The following HELZ variants were observed in gnomAD, a reference collection of about 807,000 sequenced individuals.
HELZ encodes the protein helicase with zinc finger.
Under a neutral mutation model 218.2 loss-of-function variants are expected in HELZ, and 23 were observed. The ratio of observed to expected loss-of-function variants is 0.11; its 90% CI spans 0.08 to 0.15. The LOEUF (loss-of-function observed/expected upper bound fraction) is 0.15, where lower values mean the gene tolerates loss of function less well. Ranked by LOEUF, HELZ falls within the 10% of genes least tolerant of loss-of-function variation. HELZ has a pLI of 1.00. For missense variants in HELZ, 1,813 were observed against 2,353.7 expected, an observed-to-expected ratio of 0.77 and a Z score of 4.75; for synonymous variants, 814 against 829.4, an observed-to-expected ratio of 0.98 and a Z score of 0.32.
At chr17:67,081,293 T>C (rs1366095208) in intron 32 of HELZ, among the ~76,000 whole-genome samples, 3 of 152,204 alleles carry the variant, frequency 2.0e-5, no homozygotes, top group African/African-American at 7.2e-5. Flanking sequence ...CACTGTACTT[T>C]GGGGTCTCTT....
Position 67,138,095 on chromosome 17 carries a change from C to T in HELZ, c.2789G>A (p.Arg930His), listed in dbSNP as rs1216248582. Residue 930 changes from arginine (R) to histidine (H), a missense_variant, in exon 22 of 33, where the codon CGT becomes CAT. By Grantham distance (29) the Arg-to-His change is conservative. Around this residue, in one of 4 missense-constraint regions of HELZ, gnomAD observed 156 missense variants for 274.4 expected, o/e 0.57. Transcript: ENST00000358691. ...CCACTTCCTTCTTAACTCTTCTACA[C>T]GTTCCACCACTTCAAACACCTTTAA... The part of the protein sequence containing the change: ...NNAEVFEVVE[R>H]VEELRRKWPV... The T allele has an allele frequency of 1.9e-6, 3 of 1,611,774 alleles. No homozygotes were observed. Among genetic ancestry groups the T allele is most frequent in the African/African-American group, 1.3e-5 (1 of 74,876 alleles).
Position 67,076,608 on chromosome 17 carries a change from C to T in HELZ, c.*1644G>A, listed in dbSNP as rs1308218212. 6.6e-6 allele frequency: 1 copy of T among 152,218 alleles called. No homozygotes were observed. Among genetic ancestry groups the T allele is most frequent in the Non-Finnish European group, 1.5e-5 (1 of 68,034 alleles). 9.4% of individuals were successfully genotyped at this position (152,218 alleles called of 1,614,324 possible). A position where few individuals can be genotyped will look rare whatever the true frequency, so the allele number is the denominator to read the frequency against. ...ATCCTGGAGCTTGCTAACCATTAAC[C>T]AAAGGCACTCTTTTATCCCAAACTG... is the stretch of plus-strand genomic sequence containing the variant. On this transcript the variant is annotated 3_prime_UTR_variant, in exon 33 of 33. Transcript: ENST00000358691.
chr17:67,108,578 C>T lies in HELZ; in HGVS notation c.4638G>A (p.Pro1546=), dbSNP rs753629815. 3.7e-6 allele frequency: 6 copies of T among 1,613,902 alleles called. No individual in the cohort carries two copies. The African/African-American group carries it at 5.3e-5, about 14-fold the overall frequency. The change falls in exon 30 of 33, where the codon CCG becomes CCA. Residue 1546 remains proline, a synonymous_variant. Coordinates refer to ENST00000358691, the MANE Select transcript of HELZ (RefSeq NM_014877.4). This position sits in a 1 kb window ranked among gnomAD's most constrained non-coding sequence, Gnocchi z 4.1. ...CTGGCGGCTGATGTAATCCCAGGGG[C>T]GGCTGAGGAAGATGCTGGAGGTGAG... ...HHPHLQHLPQ[P]PLGLHQPPVR... is the part of the protein sequence containing the mutation.
At chr17:67,099,652 C>T (rs572533086) in intron 31 of HELZ, among the ~76,000 whole-genome samples, 1 of 152,086 alleles carries the variant, frequency 6.6e-6, no homozygotes. Context: ...TGAGTAAAAA[C>T]TCCTAATTTG....
intron 32 of HELZ, among the ~76,000 whole-genome samples, chr17:67,086,361 G>A (rs1225039173): frequency 1.3e-5 from 2 of 151,780 alleles, no homozygotes; most frequent in South Asian, 2.1e-4. Context: ...GAGGCGGGTC[G>A]ATCACCTGAG....
chr17:67,221,840 G>C (rs900868967), intron 3 of HELZ, among the ~76,000 whole-genome samples: 1 of 145,020 alleles, frequency 6.9e-6, no homozygotes, highest in African/African-American at 2.6e-5. Flanking sequence ...GCTGTTTTTT[G>C]TGTTTTTTTT....
intron 9 of HELZ, among the ~76,000 whole-genome samples, chr17:67,191,016 A>AT (rs1239455081): frequency 6.6e-6 from 1 of 152,064 alleles, no homozygotes; most frequent in Admixed American, 6.6e-5. Flanking sequence ...CCAGAGTAGG[A>AT]TTTTTTTAAG....
chr17:67,126,790 G>A (rs1361424610), intron 24 of HELZ, among the ~76,000 whole-genome samples: 1 of 152,112 alleles, frequency 6.6e-6, no homozygotes, highest in Non-Finnish European at 1.5e-5. Flanking sequence ...AAACCCGGGA[G>A]GCGGAGGCTG....
intron 12 of HELZ, chr17:67,179,719 T>C (rs951061255): frequency 2.0e-5 from 3 of 151,746 alleles, no homozygotes; most frequent in Non-Finnish European, 2.9e-5. Context: ...GAAACATACA[T>C]ATACCTAAAA....
intron 3 of HELZ, among the ~76,000 whole-genome samples, chr17:67,220,854 C>A (rs145072297): frequency 6.9e-6 from 1 of 144,922 alleles, no homozygotes; most frequent in Admixed American, 6.8e-5. Flanking sequence ...ATAACTCCCC[C>A]CCCCCCAAAA....
intron 4 of HELZ, among the ~76,000 whole-genome samples, chr17:67,216,870 C>T (rs2040614360): frequency 6.7e-6 from 1 of 149,120 alleles, no homozygotes; most frequent in Non-Finnish European, 1.5e-5. Flanking sequence ...TCACACTTTC[C>T]CCTTTCCTCA....
chr17:67,156,114 T>A (rs1028324106), intron 17 of HELZ, among the ~76,000 whole-genome samples: 1 of 151,030 alleles, frequency 6.6e-6, no homozygotes, highest in African/African-American at 2.4e-5. Flanking sequence ...TGGTGAACAA[T>A]GGCTAGGTTA....
chr17:67,222,678 A>G (rs1949291284), intron 3 of HELZ, among the ~76,000 whole-genome samples: 1 of 152,162 alleles, frequency 6.6e-6, no homozygotes, highest in Admixed American at 6.5e-5. Context: ...GCATGACCTT[A>G]CTGCACCCAC....
intron 15 of HELZ, among the ~76,000 whole-genome samples, chr17:67,163,135 CTG>C (rs2039038379): frequency 6.6e-6 from 1 of 152,116 alleles, no homozygotes; most frequent in African/African-American, 2.4e-5. Context: ...ACATGTAAAG[CTG>C]TTTAGAAAAA....
chr17:67,128,992 T>C lies in HELZ; in HGVS notation c.3183-137A>G, dbSNP rs184054851. 9.1e-5 allele frequency: 62 copies of C among 681,974 alleles called. No homozygotes were observed. In the Admixed American group the frequency reaches 1.3e-3, roughly 14 times the overall value. 42.2% of individuals were successfully genotyped at this position (681,974 alleles called of 1,614,324 possible). A position where few individuals can be genotyped will look rare whatever the true frequency, so the allele number is the denominator to read the frequency against. ...ACCCAATAGTCATCTATGATTGAGA[T>C]AAAATCTTTCTACCAGATCACAAGA... On this transcript the variant is annotated intron_variant, in intron 23 of 32. Transcript: ENST00000358691.
chr17:67,197,252 CTCT>C (rs776416681), intron 7 of HELZ, among the ~76,000 whole-genome samples: 73 of 152,180 alleles, frequency 4.8e-4, no homozygotes, highest in Middle Eastern at 3.4e-3. Flanking sequence ...TCTCATTCTT[CTCT>C]TGTCTGCCGC....
chr17:67,114,448 A>G (rs758827241), intron 27 of HELZ, 45 bp from the exon 28 acceptor site: 1 of 1,111,816 alleles, frequency 9.0e-7, no homozygotes, highest in Non-Finnish European at 1.4e-6. Context: ...TCCAGTGGAT[A>G]TGACACTTCC....
At chr17:67,080,166 A>G (rs897086409) in intron 32 of HELZ, among the ~76,000 whole-genome samples, 2 of 152,236 alleles carry the variant, frequency 1.3e-5, no homozygotes, top group South Asian at 2.1e-4. Flanking sequence ...AGGTAAAGAT[A>G]TAACTGTTCA....
intron 5 of HELZ, among the ~76,000 whole-genome samples, chr17:67,208,248 CAAAAAAAATTGTA>C (rs1423932389): frequency 5.3e-5 from 8 of 151,190 alleles, no homozygotes; most frequent in Admixed American, 1.3e-4. Context: ...AGAAGTTTTT[CAAAAAAAATTGTA>C]AAAAAAAATT....
Sources: gnomAD v4.1 joint callset for allele counts (sites outside exome capture counted in the v4.1 genomes callset) on GRCh38, gnomAD v4.1.1 for gene constraint, gnomAD v4.1.1 regional missense constraint, Gnocchi (gnomAD v3.1) non-coding constraint, MANE v1.5 for transcripts, NCBI Gene and HGNC (gene_info 2026-07-23, HGNC 2026-07-21) for gene names.